WWOX: variants seen among roughly 807,000 people sequenced by gnomAD.
WWOX encodes WW domain-containing oxidoreductase.
WWOX carries 69 observed loss-of-function variants against 46.2 expected under a neutral mutation model. The observed-to-expected ratio is 1.49, with a 90% CI of 1.23 to 1.82. The LOEUF (loss-of-function observed/expected upper bound fraction) is 1.82. WWOX is among the 40% of genes most tolerant of loss of function. WWOX has a pLI of 0.00. For synonymous variants in WWOX, 359 were observed against 202.6 expected (o/e 1.77, Z -6.56); for missense variants, 919 against 542.6 (o/e 1.69, Z -6.89).
intron 8 of WWOX, among the ~76,000 whole-genome samples, chr16:78,670,950 G>A (rs7187737): frequency 6.6e-6 from 1 of 151,926 alleles, no homozygotes; most frequent in Admixed American, 6.6e-5. Flanking sequence ...GGAAGGTGAT[G>A]CCAAGACAGA....
rs201986739 is a variant in WWOX, at chr16:78,432,644, C to T, written c.948C>T (p.Val316=). The T allele has an allele frequency of 6.2e-7, 1 of 1,614,222 alleles. No individual in the cohort carries two copies. Among genetic ancestry groups the T allele is most frequent in the East Asian group, 2.2e-5 (1 of 44,884 alleles). The change falls in exon 8 of 9, where the codon GTC becomes GTT. Residue 316 remains valine, a synonymous_variant. Transcript: ENST00000566780. ...ELHRRLSPRG[V]TSNAVHPGNM... ...ACCGTCGCCTCTCCCCACGCGGGGTCACGTCGAACGCAGTGCATCCTGGAA... is the reference window on the plus strand; with the variant it reads ...ACCGTCGCCTCTCCCCACGCGGGGTTACGTCGAACGCAGTGCATCCTGGAA...
intron 8 of WWOX, among the ~76,000 whole-genome samples, chr16:79,031,805 T>C (rs2047761078): frequency 7.3e-6 from 1 of 137,210 alleles, no homozygotes; most frequent in African/African-American, 2.6e-5. Context: ...TATAGATATC[T>C]ATATAATATA....
chr16:78,610,719 C>G lies in WWOX; in HGVS notation c.1056+177967C>G, dbSNP rs551493399. Among the ~76,000 whole-genome samples the G allele has an allele frequency of 3.8e-4, 58 of 152,146 alleles. 1 individual carries two copies. The highest frequency in any genetic ancestry group is 1.4e-3 in the African/African-American group (57 of 41,510). ...TGAGATGTGGAAAACAGAAATCTAA[C>G]TTAGGGATGTATCATAATCAAACCG... On this transcript the variant is annotated intron_variant, in intron 8 of 8. Transcript: ENST00000566780.
intron 8 of WWOX, chr16:79,004,056 C>G (rs1441317540): frequency 6.6e-6 from 1 of 152,118 alleles, no homozygotes; most frequent in Non-Finnish European, 1.5e-5. Flanking sequence ...CCATGCCTTC[C>G]CAGTCTCTGG....
chr16:78,766,686 T>C (rs1385979773), intron 8 of WWOX, among the ~76,000 whole-genome samples: 1 of 152,226 alleles, frequency 6.6e-6, no homozygotes, highest in Non-Finnish European at 1.5e-5. Flanking sequence ...TTTGTTAGAC[T>C]TGTTTGAAAA....
Position 79,212,059 on chromosome 16 carries a change from C to T in WWOX, c.*263C>T, listed in dbSNP as rs2288034. The T allele has an allele frequency of 3.3e-6, 5 of 1,535,858 alleles. No homozygotes were observed. The highest frequency in any genetic ancestry group is 4.4e-6 in the Non-Finnish European group (5 of 1,146,790). On this transcript the variant is annotated 3_prime_UTR_variant, in exon 9 of 9. Transcript: ENST00000566780. ...TGGCCTGTTTGAAAGTAAAAACCTGCTTGGTGTGTAGGTTCCGTATCTCCC... is the reference window on the plus strand; with the variant it reads ...TGGCCTGTTTGAAAGTAAAAACCTGTTTGGTGTGTAGGTTCCGTATCTCCC...
intron 8 of WWOX, among the ~76,000 whole-genome samples, chr16:78,835,985 AG>A (rs1234638179): frequency 6.6e-6 from 1 of 152,234 alleles, no homozygotes; most frequent in Non-Finnish European, 1.5e-5. Context: ...ACTTCTTCAA[AG>A]CCTCGTTATT....
chr16:78,364,584 G>A (rs1473702672), intron 5 of WWOX, among the ~76,000 whole-genome samples: 2 of 152,016 alleles, frequency 1.3e-5, no homozygotes. Flanking sequence ...AAAAAAATTT[G>A]TGGTTACAGT....
intron 5 of WWOX, among the ~76,000 whole-genome samples, chr16:78,268,572 A>G (rs1340621893): frequency 6.6e-6 from 1 of 152,228 alleles, no homozygotes; most frequent in African/African-American, 2.4e-5. Context: ...ATTTCTCTCC[A>G]GGCCTGGTGG....
At chr16:78,749,551 A>G (rs2049428549) in intron 8 of WWOX, among the ~76,000 whole-genome samples, 1 of 152,128 alleles carries the variant, frequency 6.6e-6, no homozygotes, top group Non-Finnish European at 1.5e-5. Flanking sequence ...GGCTATGCAA[A>G]GTAGTTTAAG....
At chr16:78,878,281 T>C (rs2044273625) in intron 8 of WWOX, among the ~76,000 whole-genome samples, 1 of 152,140 alleles carries the variant, frequency 6.6e-6, no homozygotes, top group Non-Finnish European at 1.5e-5. Context: ...TAAATAAAAA[T>C]ACCATGCTGA....
chr16:79,030,532 G>A (rs573584376), intron 8 of WWOX, among the ~76,000 whole-genome samples: 88 of 152,292 alleles, frequency 5.8e-4, no homozygotes, highest in Non-Finnish European at 1.0e-3. Context: ...CAGACCAGGC[G>A]TGATCCCTAA....
rs964171767 is a variant in WWOX at position 79,153,107 on chromosome 16, C to T, written c.1057-58501C>T. Among the ~76,000 whole-genome samples, 12 of 152,196 alleles carry T rather than the reference C, an allele frequency of 7.9e-5. 1 individual carries two copies. Among genetic ancestry groups the T allele is most frequent in the Non-Finnish European group, 1.5e-4 (10 of 68,030 alleles). ...AGGAAAATCCAAACTCACTTGAGTA[C>T]ACGCTCAGGGTCATGGGCTTGCTAT... On this transcript the variant is annotated intron_variant, in intron 8 of 8. Coordinates refer to ENST00000566780, the MANE Select transcript of WWOX (RefSeq NM_016373.4).
intron 8 of WWOX, among the ~76,000 whole-genome samples, chr16:78,815,731 T>C (rs1421913656): frequency 6.6e-6 from 1 of 152,228 alleles, no homozygotes; most frequent in Non-Finnish European, 1.5e-5. Context: ...AAAAGAGCTT[T>C]AGAACTGCAA....
At chr16:78,993,753 C>T (rs1256727949) in intron 8 of WWOX, among the ~76,000 whole-genome samples, 2 of 152,288 alleles carry the variant, frequency 1.3e-5, no homozygotes, top group Admixed American at 6.5e-5. Context: ...ATAACACACT[C>T]GCCAGACTCC....
chr16:78,772,372 G>A (rs11865148), intron 8 of WWOX, among the ~76,000 whole-genome samples: 3,897 of 152,190 alleles, frequency 0.026, 177 homozygotes, highest in African/African-American at 0.09. Flanking sequence ...AGACATGATC[G>A]CATTCTTTTA....
intron 5 of WWOX, among the ~76,000 whole-genome samples, chr16:78,369,351 A>G (rs914092464): frequency 2.8e-5 from 4 of 143,612 alleles, no homozygotes; most frequent in Admixed American, 6.7e-5. Flanking sequence ...AAAAACGTGG[A>G]AAAAAAAAGA....
chr16:78,290,382 A>G (rs949403263), intron 5 of WWOX, among the ~76,000 whole-genome samples: 1 of 144,558 alleles, frequency 6.9e-6, no homozygotes, highest in Non-Finnish European at 1.5e-5. Context: ...TTCCTGGTGA[A>G]TGATGTATGA....
At chr16:78,347,433 A>G (rs1008504924) in intron 5 of WWOX, among the ~76,000 whole-genome samples, 2 of 116,458 alleles carry the variant, frequency 1.7e-5, no homozygotes, top group African/African-American at 2.9e-5. Context: ...TTGGCACAGC[A>G]CTCTTGACAG....
Sources: allele counts gnomAD v4.1 joint callset (sites outside exome capture counted in the v4.1 genomes callset), GRCh38; gene constraint gnomAD v4.1.1; transcripts MANE v1.5; gene names NCBI Gene and HGNC (gene_info 2026-07-23, HGNC 2026-07-21).